Variants in HS6ST2 observed in about 807,000 individuals in gnomAD.
The protein encoded by HS6ST2 is heparan sulfate 6-O-sulfotransferase 2.
Under a neutral mutation model 33.0 loss-of-function variants are expected in HS6ST2, and 17 were observed. The ratio of observed to expected loss-of-function variants is 0.52; its 90% CI spans 0.35 to 0.77. The LOEUF is 0.77. HS6ST2 is among the 30% of genes least tolerant of loss of function. The pLI is 0.01. For missense variants in HS6ST2, 519 were observed against 551.7 expected (o/e 0.94, Z 0.59); for synonymous variants, 248 against 237.1 (o/e 1.05, Z -0.42).
chrX:132,782,063 G>A (rs986641901), intron 2 of HS6ST2, among the ~76,000 whole-genome samples: 1 of 111,654 alleles, frequency 9.0e-6, no homozygotes, highest in African/African-American at 3.3e-5. Flanking sequence ...GGGAGGAGGG[G>A]TGATTCCATG....
At chrX:132,646,733 C>T (rs1002712212) in intron 4 of HS6ST2, among the ~76,000 whole-genome samples, 5 of 110,008 alleles carry the variant, frequency 4.5e-5, no homozygotes, top group East Asian at 2.9e-4. Context: ...GTGTATTAGT[C>T]CATTCCCATG....
intron 2 of HS6ST2, among the ~76,000 whole-genome samples, chrX:132,894,371 C>T (rs1312426544): frequency 5.5e-5 from 6 of 109,364 alleles, no homozygotes. Flanking sequence ...AAACTCCTGA[C>T]GTCAGGTGAT....
intron 2 of HS6ST2, among the ~76,000 whole-genome samples, chrX:132,894,791 C>A (rs1486266285): frequency 9.0e-6 from 1 of 111,682 alleles, no homozygotes; most frequent in Non-Finnish European, 1.9e-5. Flanking sequence ...CAGCCTCGGC[C>A]TCCCAAAATG....
At chrX:132,697,483 G>C (rs756122798) in intron 3 of HS6ST2, among the ~76,000 whole-genome samples, 7 of 112,063 alleles carry the variant, frequency 6.2e-5, no homozygotes, top group Admixed American at 1.9e-4. Context: ...ACCTATAAAA[G>C]CTACTTATTT....
chrX:132,950,085 A>G (rs2066996661), intron 2 of HS6ST2, among the ~76,000 whole-genome samples: 1 of 111,606 alleles, frequency 9.0e-6, no homozygotes, highest in South Asian at 3.8e-4. Flanking sequence ...TGCACTTATG[A>G]TAACTCCAGT....
intron 2 of HS6ST2, among the ~76,000 whole-genome samples, chrX:132,922,285 T>G (rs1200806055): frequency 9.0e-6 from 1 of 111,634 alleles, no homozygotes; most frequent in African/African-American, 3.3e-5. Flanking sequence ...GGCGGGCACC[T>G]GTAGTCCCAG....
At chrX:132,750,347 G>GAAAAAAAAAAAAAAAAAAAA (rs1156312851) in intron 2 of HS6ST2, among the ~76,000 whole-genome samples, 1 of 56,413 alleles carries the variant, frequency 1.8e-5, no homozygotes, top group Non-Finnish European at 3.3e-5. Context: ...TGCCCATCAA[G>GAAAAAAAAAAAAAAAAAAAA]AAAAAAAAAA....
At chrX:132,784,283 G>C (rs1437007745) in intron 2 of HS6ST2, among the ~76,000 whole-genome samples, 1 of 111,366 alleles carries the variant, frequency 9.0e-6, no homozygotes, top group African/African-American at 3.3e-5. Context: ...TATGGGAACT[G>C]AGCCTCAATG....
chrX:132,771,639 C>G (rs756350053), intron 2 of HS6ST2, among the ~76,000 whole-genome samples: 1 of 111,593 alleles, frequency 9.0e-6, no homozygotes, highest in South Asian at 3.8e-4. Context: ...GGCTTCTTGT[C>G]CTTTGAGTTC....
Position 132,628,489 on chromosome X carries a change from G to GT in HS6ST2, c.1671dup (p.Arg558ThrfsTer71). Reference sequence around the variant, plus strand: ...AGGAGCCTTCCCTTCAGAAATTTGCGTTGTTCCTGACGCTTTCGCCTGGCC... The same window carrying GT: ...AGGAGCCTTCCCTTCAGAAATTTGCGTTTGTTCCTGACGCTTTCGCCTGGCC... On this transcript the variant is annotated frameshift_variant, in exon 5 of 5. Transcript: ENST00000370833. LOFTEE classifies it high-confidence loss of function. The GT allele has an allele frequency of 8.3e-7, 1 of 1,211,051 alleles. No individual in the cohort carries two copies. Among genetic ancestry groups the GT allele is most frequent in the Non-Finnish European group, 1.1e-6 (1 of 895,303 alleles).
At chrX:132,911,359 C>A (rs1326387560) in intron 2 of HS6ST2, among the ~76,000 whole-genome samples, 1 of 111,105 alleles carries the variant, frequency 9.0e-6, no homozygotes, top group Non-Finnish European at 1.9e-5. Context: ...CTGCTGCTAA[C>A]TCTTGAATTA....
chrX:132,748,197 G>A (rs1287719081), intron 2 of HS6ST2, among the ~76,000 whole-genome samples: 1 of 111,496 alleles, frequency 9.0e-6, no homozygotes, highest in Non-Finnish European at 1.9e-5. Flanking sequence ...GGGAAAAAGT[G>A]ATCCCAAATC....
At position 132,917,625 on chromosome X, in the gene HS6ST2, T is replaced by C. The variant is rs748253433; in HGVS notation, c.947+39183A>G. On this transcript the variant is annotated intron_variant, in intron 2 of 4. Transcript: ENST00000370833. ...AAAAAAAGACCCTGTTGAAAGATGT[T>C]TCTTTTGTGACTAAAATGACCAGCT... Among the ~76,000 whole-genome samples the C allele has an allele frequency of 2.7e-5, 3 of 111,081 alleles. No homozygotes were observed. In the South Asian group the frequency reaches 1.2e-3, roughly 43 times the overall value.
At chrX:132,728,955 A>C (rs897846968) in intron 2 of HS6ST2, among the ~76,000 whole-genome samples, 2 of 112,502 alleles carry the variant, frequency 1.8e-5, no homozygotes, top group Admixed American at 9.4e-5. Context: ...AATCCCCTCC[A>C]CCTTCAGCCT....
chrX:132,918,362 C>T (rs951892508), intron 2 of HS6ST2, among the ~76,000 whole-genome samples: 1 of 112,337 alleles, frequency 8.9e-6, no homozygotes, highest in Non-Finnish European at 1.9e-5. Flanking sequence ...AGATGAGAGA[C>T]ACAGGGGCAA....
At chrX:132,916,925 T>C (rs1234181862) in intron 2 of HS6ST2, among the ~76,000 whole-genome samples, 1 of 112,024 alleles carries the variant, frequency 8.9e-6, no homozygotes, top group Admixed American at 9.5e-5. Flanking sequence ...GAACTCCCTT[T>C]CATATATATA....
At position 132,633,911 on chromosome X, in the gene HS6ST2, C is replaced by A. The variant is rs760749343; in HGVS notation, c.1068-4818G>T. Among the ~76,000 whole-genome samples the A allele has an allele frequency of 1.8e-5, 2 of 111,920 alleles. 1 individual carries two copies. Among genetic ancestry groups the A allele is most frequent in the South Asian group, 7.6e-4 (2 of 2,637 alleles). On this transcript the variant is annotated intron_variant, in intron 4 of 4. Coordinates refer to ENST00000370833, the MANE Select transcript of HS6ST2 (RefSeq NM_001394073.1). ...GCAACAAGAAGGGACAGCCTATCAC[C>A]TTCCTCATTCTTGACACCATTTCTC... is the stretch of plus-strand genomic sequence containing the variant.
chrX:132,826,875 C>A (rs1019736613), intron 2 of HS6ST2, among the ~76,000 whole-genome samples: 4 of 111,214 alleles, frequency 3.6e-5, no homozygotes, highest in African/African-American at 1.3e-4. Context: ...CGTATGCCAG[C>A]TGGGGACCTG....
chrX:132,894,936 A>C (rs1054351365), intron 2 of HS6ST2, among the ~76,000 whole-genome samples: 1 of 112,465 alleles, frequency 8.9e-6, no homozygotes, highest in Non-Finnish European at 1.9e-5. Context: ...AAAGGCAGGA[A>C]GTCCAGTTTC....
Sources: gnomAD v4.1 joint callset for allele counts (sites outside exome capture counted in the v4.1 genomes callset) on GRCh38, gnomAD v4.1.1 for gene constraint, MANE v1.5 for transcripts, NCBI Gene and HGNC (gene_info 2026-07-23, HGNC 2026-07-21) for gene names.